The following STYXL2 variants were observed in gnomAD, a reference collection of about 807,000 sequenced individuals.
STYXL2 encodes the protein serine/threonine/tyrosine interacting like 2, also known as serine/threonine/tyrosine-interacting-like protein 2.
Under a neutral mutation model 52.4 loss-of-function variants are expected in STYXL2, and 44 were observed. The ratio of observed to expected loss-of-function variants is 0.84; its 90% confidence interval spans 0.66 to 1.08. STYXL2 has a LOEUF of 1.08. Ranked by LOEUF, STYXL2 falls within the 50% of genes least tolerant of loss-of-function variation. The probability of loss-of-function intolerance (pLI) is 0.00; values close to 1 mark genes in which losing one functional copy is unlikely to be tolerated. For missense variants in STYXL2, 1,604 were observed against 1,471.7 expected, an observed-to-expected ratio of 1.09 and a Z score of -1.47; for synonymous variants, 604 against 586.9, an observed-to-expected ratio of 1.03 and a Z score of -0.42.
intron 2 of STYXL2, among the ~76,000 whole-genome samples, chr1:167,104,216 C>T (rs1279790408): frequency 2.0e-5 from 3 of 148,864 alleles, no homozygotes; most frequent in African/African-American, 7.4e-5. Context: ...TCAGTTTTCT[C>T]TTCTTTCCAA....
intron 2 of STYXL2, among the ~76,000 whole-genome samples, chr1:167,107,246 C>T (rs540649584): frequency 2.0e-5 from 3 of 152,214 alleles, no homozygotes; most frequent in Admixed American, 1.3e-4. Context: ...AGGAAAGCTT[C>T]CCTCAAGACG....
chr1:167,128,778 G>T lies in STYXL2; in HGVS notation c.*170G>T. 1 of 1,090,842 alleles carries T rather than the reference G, an allele frequency of 9.2e-7. No individual in the cohort carries two copies. The allele number at this position is 1,090,842 out of a possible 1,614,324, so 67.6% of individuals were successfully genotyped here. ...AGGGCAGCAGAGGTGGAGTAGGGAG[G>T]AGGCAAGGAGGGGGAGAACCATCAA... On this transcript the variant is annotated 3_prime_UTR_variant, in exon 6 of 6. Transcript: ENST00000361200.
At chr1:167,119,130 G>A in intron 4 of STYXL2, 119 bp from the exon 5 acceptor site, 1 of 862,658 alleles carries the variant, frequency 1.2e-6, no homozygotes, top group Non-Finnish European at 1.8e-6. Context: ...ACCAGGGGCA[G>A]AAAAGGAGGC....
At chr1:167,113,840 A>G in intron 3 of STYXL2, 36 bp downstream of exon 3, 10 of 1,535,352 alleles carry the variant, frequency 6.5e-6, no homozygotes, top group Non-Finnish European at 9.0e-6. Context: ...AGCAAAGTCC[A>G]GTGGTCATCT....
At chr1:167,117,921 A>G (rs2102239759) in intron 4 of STYXL2, among the ~76,000 whole-genome samples, 1 of 152,358 alleles carries the variant, frequency 6.6e-6, no homozygotes, top group Non-Finnish European at 1.5e-5. Flanking sequence ...TAATACTGAC[A>G]TGCATATGTA....
intron 4 of STYXL2, among the ~76,000 whole-genome samples, chr1:167,118,262 T>G (rs943189949): frequency 6.6e-6 from 1 of 152,226 alleles, no homozygotes; most frequent in African/African-American, 2.4e-5. Context: ...ACATCCTATT[T>G]CTTTAGGATG....
In STYXL2 at chr1:167,121,439, G is replaced by C. The variant is rs182715411; in HGVS notation, c.655+1973G>C. ...GTCCTGGAGCGCACCGGCAGACCTC[G>C]AGGCGGAGCGGGTACGCTCGCAATA... On this transcript the variant is annotated intron_variant, in intron 5 of 5. Coordinates refer to ENST00000361200, the MANE Select transcript of STYXL2 (RefSeq NM_001080426.3). Among the ~76,000 whole-genome samples, 773 of 152,372 alleles carry C rather than the reference G, an allele frequency of 5.1e-3. 4 individuals carry two copies. The highest frequency in any genetic ancestry group is 7.2e-3 in the Non-Finnish European group (488 of 68,034).
At position 167,126,458 on chromosome 1, in the gene STYXL2, G is replaced by T; in HGVS notation, c.1327G>T (p.Val443Leu). The T allele has an allele frequency of 6.3e-7, 1 of 1,590,048 alleles. No individual in the cohort carries two copies. Among genetic ancestry groups the T allele is most frequent in the Non-Finnish European group, 8.6e-7 (1 of 1,168,650 alleles). ...TLSESSAWES[V>L]SSHDIWVLKQ... ...GAGCGAGAGCAGCGCCTGGGAGAGC[G>T]TGAGCAGCCACGACATCTGGGTCCT... Residue 443 changes from valine (V) to leucine (L), a missense_variant, in exon 6 of 6, where the codon GTG becomes TTG. Val to Leu is a conservative substitution (Grantham distance 32). Coordinates refer to ENST00000361200, the MANE Select transcript of STYXL2 (RefSeq NM_001080426.3).
intron 5 of STYXL2, among the ~76,000 whole-genome samples, chr1:167,122,955 T>G (rs1667889463): frequency 6.6e-6 from 1 of 152,188 alleles, no homozygotes. Context: ...TGTGAGCCAC[T>G]GCACCCAGCC....
In STYXL2 at chr1:167,113,695, A is replaced by G. The variant is rs764554706; in HGVS notation, c.111-15A>G. The G allele has an allele frequency of 2.5e-6, 4 of 1,593,272 alleles. No individual in the cohort carries two copies. The highest frequency in any genetic ancestry group is 2.6e-6 in the Non-Finnish European group (3 of 1,161,028). On this transcript the variant is annotated splice_polypyrimidine_tract_variant and intron_variant, in intron 2 of 5. Coordinates refer to ENST00000361200, the MANE Select transcript of STYXL2 (RefSeq NM_001080426.3). ...TGCTACAGGCTTATCTCACGTGAAT[A>G]TCCTCTTCCCTTAGGTATTCGATGG... is the stretch of plus-strand genomic sequence containing the variant.
intron 5 of STYXL2, among the ~76,000 whole-genome samples, chr1:167,123,308 C>T (rs926619729): frequency 6.6e-6 from 1 of 152,192 alleles, no homozygotes; most frequent in African/African-American, 2.4e-5. Flanking sequence ...TCAGAGGAGT[C>T]CCAGTGTGCT....
At chr1:167,116,651 G>GTTTTTTTT (rs57553225) in intron 3 of STYXL2, among the ~76,000 whole-genome samples, 3 of 113,762 alleles carry the variant, frequency 2.6e-5, no homozygotes, top group East Asian at 2.6e-4. Context: ...TTTTTTTTTG[G>GTTTTTTTT]TTTTTTTTTT....
intron 1 of STYXL2, 91 bp from the exon 2 acceptor site, chr1:167,094,743 C>A: frequency 2.4e-6 from 2 of 849,400 alleles, no homozygotes; most frequent in Admixed American, 2.1e-5. Context: ...AGTCCTAGTT[C>A]CACTGAGGTG....
intron 5 of STYXL2, 100 bp from the exon 6 acceptor site, chr1:167,125,687 C>T: frequency 1.4e-6 from 2 of 1,445,090 alleles, no homozygotes; most frequent in Non-Finnish European, 1.8e-6. Flanking sequence ...ACCTTAAGTG[C>T]AGCATATTAA....
Position 167,127,538 on chromosome 1 carries a change from A to G in STYXL2, c.2407A>G (p.Thr803Ala). 13 of 1,614,040 alleles carry G rather than the reference A, an allele frequency of 8.1e-6. No homozygotes were observed. The highest frequency in any genetic ancestry group is 1.1e-5 in the Non-Finnish European group (13 of 1,179,988). ...SDMQSVLSCN[T>A]TLSSPAESCR... ...CATGCAGTCTGTGCTGTCCTGCAAC[A>G]CCACACTGAGCTCACCCGCGGAAAG... Residue 803 changes from threonine (T) to alanine (A), a missense_variant, in exon 6 of 6, where the codon ACC becomes GCC. Physicochemically the swap from Thr to Ala is moderately conservative, Grantham distance 58. Transcript: ENST00000361200.
intron 5 of STYXL2, among the ~76,000 whole-genome samples, chr1:167,120,507 G>C (rs1667829911): frequency 6.6e-6 from 1 of 152,130 alleles, no homozygotes; most frequent in Admixed American, 6.5e-5. Context: ...AAAAATTATA[G>C]CCATTGCTAT....
At chr1:167,110,833 AC>A (rs1410327610) in intron 2 of STYXL2, among the ~76,000 whole-genome samples, 1 of 152,208 alleles carries the variant, frequency 6.6e-6, no homozygotes, top group Non-Finnish European at 1.5e-5. Context: ...TACAGTTCCA[AC>A]CTTCCAGCAC....
intron 3 of STYXL2, among the ~76,000 whole-genome samples, chr1:167,114,228 G>A (rs1571340307): frequency 6.6e-6 from 1 of 152,124 alleles, no homozygotes; most frequent in South Asian, 2.1e-4. Context: ...TGCATGGGGA[G>A]GAGGGAAAGG....
chr1:167,120,420 T>C (rs1275588621), intron 5 of STYXL2, among the ~76,000 whole-genome samples: 1 of 152,274 alleles, frequency 6.6e-6, no homozygotes, highest in South Asian at 2.1e-4. Context: ...AATCCTAAAG[T>C]TGCTGTGAGG....
Sources: gnomAD v4.1 joint callset for allele counts (sites outside exome capture counted in the v4.1 genomes callset) on GRCh38, gnomAD v4.1.1 for gene constraint, MANE v1.5 for transcripts, NCBI Gene and HGNC (gene_info 2026-07-23, HGNC 2026-07-21) for gene names.